Variants in PFKP observed in about 807,000 individuals in gnomAD.
PFKP encodes ATP-dependent 6-phosphofructokinase, platelet type.
A neutral mutation model predicts 94.3 loss-of-function variants in PFKP; 101 were observed. The observed-to-expected ratio is 1.07, with a 90% CI of 0.91 to 1.26. The LOEUF is 1.26. PFKP is among the 50% of genes most tolerant of loss of function. The pLI, the probability that PFKP is intolerant of heterozygous loss-of-function variation, is 0.00. For missense variants in PFKP, 1,145 were observed against 1,103.3 expected (o/e 1.04, Z -0.53); for synonymous variants, 573 against 432.6 (o/e 1.32, Z -4.03).
chr10:3,093,677 T>G (rs2131495039), intron 2 of PFKP, among the ~76,000 whole-genome samples: 1 of 143,454 alleles, frequency 7.0e-6, no homozygotes, highest in Admixed American at 7.2e-5. Flanking sequence ...AGAGTCTTGC[T>G]CTGTCACCCA....
chr10:3,093,875 C>A (rs972162065), intron 2 of PFKP, among the ~76,000 whole-genome samples: 2 of 152,226 alleles, frequency 1.3e-5, no homozygotes, highest in Middle Eastern at 3.4e-3. Context: ...CATCTCCTGA[C>A]CTTGTGATCC....
At chr10:3,122,034 C>G (rs554128182) in intron 16 of PFKP, among the ~76,000 whole-genome samples, 2 of 150,536 alleles carry the variant, frequency 1.3e-5, no homozygotes, top group Non-Finnish European at 3.0e-5. Context: ...GTTGCCCAGG[C>G]TGGTCTCAAA....
Position 3,133,693 on chromosome 10 carries a change from A to C in PFKP, c.2022+379A>C, listed in dbSNP as rs59952373. 4.6e-4 allele frequency among the ~76,000 whole-genome samples: 68 copies of C among 149,290 alleles called. No individual in the cohort carries two copies. The East Asian group carries it at 0.011, about 23-fold the overall frequency. ...TGATTCACCCACCTCAGCCTCCCAA[A>C]GTGGTGGGAATACAGGCCTGAGCCA... On this transcript the variant is annotated intron_variant, in intron 19 of 21. Transcript: ENST00000381125.
chr10:3,072,534 G>T (rs1344597054), intron 1 of PFKP, among the ~76,000 whole-genome samples: 2 of 149,478 alleles, frequency 1.3e-5, no homozygotes, highest in Non-Finnish European at 3.0e-5. Flanking sequence ...GGGAGGCAGT[G>T]TGTTGGAATG....
At chr10:3,133,118 C>G in intron 18 of PFKP, 85 bp from the exon 19 acceptor site, 1 of 930,438 alleles carries the variant, frequency 1.1e-6, no homozygotes, top group Admixed American at 1.7e-5. Flanking sequence ...ATGCGGGAGT[C>G]CAGCCTCCCA....
At position 3,104,346 on chromosome 10, in the gene PFKP, A is replaced by G. The variant is rs145958014; in HGVS notation, c.620+402A>G. On this transcript the variant is annotated intron_variant, in intron 5 of 21. Transcript: ENST00000381125. ...ATTCACGAAGTGTCGTGGGGGCCAC[A>G]GCGTTTGATCCGAGGTGCTCTAGGC... Among the ~76,000 whole-genome samples, 935 of 152,354 alleles carry G rather than the reference A, an allele frequency of 6.1e-3. 14 individuals are homozygous for G. Among genetic ancestry groups the G allele is most frequent in the South Asian group, 0.038 (183 of 4,826 alleles).
intron 16 of PFKP, among the ~76,000 whole-genome samples, chr10:3,120,369 C>CTTTGTG (rs148428194): frequency 0.064 from 6,938 of 108,546 alleles, 262 homozygotes; most frequent in East Asian, 0.26. Flanking sequence ...TTAAAAATCG[C>CTTTGTG]TGTGTGTGTG....
intron 6 of PFKP, 40 bp downstream of exon 6, chr10:3,105,199 G>C (rs1163485921): frequency 2.5e-6 from 4 of 1,585,140 alleles, no homozygotes; most frequent in Middle Eastern, 1.7e-4. Context: ...CGGTTCAGGT[G>C]GGGGACCCTC....
At chr10:3,111,179 TGTTTGTGAGAGGTA>T (rs1836199238) in intron 10 of PFKP, among the ~76,000 whole-genome samples, 1 of 152,076 alleles carries the variant, frequency 6.6e-6, no homozygotes, top group Admixed American at 6.5e-5. Flanking sequence ...TGTGTGTGTA[TGTTTGTGAGAGGTA>T]GTATGTGCCT....
intron 2 of PFKP, among the ~76,000 whole-genome samples, chr10:3,088,418 C>T (rs944222695): frequency 6.6e-6 from 1 of 152,010 alleles, no homozygotes; most frequent in African/African-American, 2.4e-5. Context: ...TGGGGTGGTT[C>T]CAAGTCTTTA....
At chr10:3,093,638 CTT>C (rs765547765) in intron 2 of PFKP, among the ~76,000 whole-genome samples, 27,983 of 92,752 alleles carry the variant, frequency 0.3, 2,154 homozygotes, top group Middle Eastern at 0.36. Context: ...CAAGCATTAT[CTT>C]TTTTTTTTTT....
At chr10:3,108,623 T>C in intron 8 of PFKP, 78 bp from the exon 9 acceptor site, 1 of 1,036,362 alleles carries the variant, frequency 9.6e-7, no homozygotes. Context: ...CCTTTTCCAG[T>C]GCCCAGTACC....
At chr10:3,136,252 A>G (rs1839312278) in intron 21 of PFKP, among the ~76,000 whole-genome samples, 198 bp from the exon 22 acceptor site, 1 of 152,240 alleles carries the variant, frequency 6.6e-6, no homozygotes, top group Middle Eastern at 3.4e-3. Context: ...CGACAGAGCG[A>G]GACTCCACCA....
chr10:3,096,615 C>T (rs868363794), intron 2 of PFKP, among the ~76,000 whole-genome samples: 21 of 151,228 alleles, frequency 1.4e-4, no homozygotes, highest in Admixed American at 1.2e-3. Context: ...GTCCGTTTCA[C>T]GGTGGCCCAG....
chr10:3,125,667 C>T (rs1837871701), intron 16 of PFKP, among the ~76,000 whole-genome samples: 1 of 152,206 alleles, frequency 6.6e-6, no homozygotes, highest in South Asian at 2.1e-4. Context: ...TGGAAAACAG[C>T]CTTCCTGGTG....
intron 2 of PFKP, 89 bp downstream of exon 2, chr10:3,082,550 C>T (rs1644383316): frequency 1.1e-6 from 1 of 883,742 alleles, no homozygotes; most frequent in Non-Finnish European, 1.7e-6. Context: ...CTGCCTCCCC[C>T]ATGCTGAGCA....
intron 1 of PFKP, among the ~76,000 whole-genome samples, chr10:3,076,039 AAG>A (rs1285543946): frequency 2.2e-3 from 312 of 140,508 alleles, no homozygotes; most frequent in Non-Finnish European, 3.4e-3. Flanking sequence ...AAAAAAAAAA[AAG>A]TAAAAACCGG....
At chr10:3,087,918 A>G (rs1270593851) in intron 2 of PFKP, among the ~76,000 whole-genome samples, 1 of 151,280 alleles carries the variant, frequency 6.6e-6, no homozygotes, top group Non-Finnish European at 1.5e-5. Flanking sequence ...GTAGCAATAA[A>G]TGTTGAATCC....
At chr10:3,131,099 A>G (rs1838532845) in intron 17 of PFKP, among the ~76,000 whole-genome samples, 3 of 152,050 alleles carry the variant, frequency 2.0e-5, no homozygotes, top group South Asian at 4.1e-4. Flanking sequence ...TTTTACATAT[A>G]TTTTTATAAT....
Sources: allele counts gnomAD v4.1 joint callset (sites outside exome capture counted in the v4.1 genomes callset), GRCh38; gene constraint gnomAD v4.1.1; transcripts MANE v1.5; gene names NCBI Gene and HGNC (gene_info 2026-07-23, HGNC 2026-07-21).